Variants in TASP1 observed in about 807,000 individuals in gnomAD.
The protein encoded by TASP1 is threonine aspartase 1.
In TASP1, 16 loss-of-function variants were observed where a neutral mutation model predicts 56.6. The ratio of observed to expected loss-of-function variants is 0.28; its 90% CI spans 0.19 to 0.43. The LOEUF is 0.43. TASP1 is among the 20% of genes least tolerant of loss of function. TASP1 has a pLI of 1.00. For synonymous variants in TASP1, 179 were observed against 184.2 expected, an observed-to-expected ratio of 0.97 and a Z score of 0.23; for missense variants, 393 against 511.6, an observed-to-expected ratio of 0.77 and a Z score of 2.24.
chr20:13,297,437 C>T, the TASP1 span, among the ~76,000 whole-genome samples: 1 of 152,180 alleles, frequency 6.6e-6, no homozygotes, highest in Admixed American at 6.5e-5. Context: ...CCTCTGTTTC[C>T]TGAAATCACT....
intron 10 of TASP1, among the ~76,000 whole-genome samples, chr20:13,484,733 C>CAAAAAAAA (rs34720600): frequency 1.2e-5 from 1 of 81,156 alleles, no homozygotes; most frequent in Non-Finnish European, 2.5e-5. Context: ...CAAGATTTCT[C>CAAAAAAAA]AAAAAAAAAA....
At chr20:13,372,390 G>A in the TASP1 span, among the ~76,000 whole-genome samples, 12 of 152,140 alleles carry the variant, frequency 7.9e-5, no homozygotes, top group East Asian at 2.1e-3. Flanking sequence ...GACTATAACC[G>A]TATCCTGGGC....
chr20:13,335,741 A>C, the TASP1 span, among the ~76,000 whole-genome samples: 1 of 152,126 alleles, frequency 6.6e-6, no homozygotes, highest in South Asian at 2.1e-4. Context: ...AATACTTTTA[A>C]ATGTAATAGA....
the TASP1 span, among the ~76,000 whole-genome samples, chr20:13,208,276 A>G: frequency 1.3e-5 from 2 of 152,220 alleles, no homozygotes; most frequent in African/African-American, 4.8e-5. Context: ...GATTTTAGAA[A>G]ACACACAGTA....
chr20:13,454,267 C>G (rs147142381), intron 11 of TASP1, among the ~76,000 whole-genome samples: 1 of 152,042 alleles, frequency 6.6e-6, no homozygotes, highest in Non-Finnish European at 1.5e-5. Flanking sequence ...AAACTTGCTG[C>G]TCTGTGGAGA....
intron 13 of TASP1, among the ~76,000 whole-genome samples, chr20:13,406,170 T>A (rs2041912996): frequency 6.6e-6 from 1 of 152,204 alleles, no homozygotes; most frequent in Admixed American, 6.5e-5. Flanking sequence ...TCCTTTAAAT[T>A]CCCACACAAA....
the TASP1 span, among the ~76,000 whole-genome samples, chr20:13,345,150 C>T: frequency 6.6e-6 from 1 of 152,172 alleles, no homozygotes; most frequent in Non-Finnish European, 1.5e-5. Context: ...AGTGTAACCA[C>T]ATTGTAGGTA....
intron 2 of TASP1, among the ~76,000 whole-genome samples, chr20:13,627,301 G>A (rs974288920): frequency 1.3e-5 from 2 of 152,134 alleles, no homozygotes; most frequent in Non-Finnish European, 2.9e-5. Flanking sequence ...CAAGATACAC[G>A]CTTTTGCATA....
chr20:13,153,816 T>C, the TASP1 span, among the ~76,000 whole-genome samples: 8,609 of 152,186 alleles, frequency 0.057, 284 homozygotes, highest in African/African-American at 0.087. Context: ...GCCTTCCAGG[T>C]GCAAGGTAGT....
the TASP1 span, among the ~76,000 whole-genome samples, chr20:13,107,341 A>G: frequency 6.6e-6 from 1 of 152,232 alleles, no homozygotes; most frequent in Non-Finnish European, 1.5e-5. Context: ...GGGTTAAAAG[A>G]GGAAATAGTG....
chr20:13,507,496 CTCCA>C (rs1348407890), intron 10 of TASP1, among the ~76,000 whole-genome samples: 1 of 152,020 alleles, frequency 6.6e-6, no homozygotes, highest in Non-Finnish European at 1.5e-5. Context: ...TGCAACTGTA[CTCCA>C]GCCTGGGTGA....
At chr20:13,117,783 G>T in the TASP1 span, 1 of 1,450,824 alleles carries the variant, frequency 6.9e-7, no homozygotes, top group Non-Finnish European at 9.4e-7. Context: ...GATGCCGTGT[G>T]TAGGGCTTCT....
chr20:13,596,267 C>T (rs1425826295), intron 4 of TASP1, among the ~76,000 whole-genome samples: 14 of 151,660 alleles, frequency 9.2e-5, no homozygotes, highest in Admixed American at 7.2e-4. Flanking sequence ...CCCACATACT[C>T]GGGGGGCTGA....
intron 11 of TASP1, among the ~76,000 whole-genome samples, chr20:13,441,290 T>C (rs1283524073): frequency 6.6e-6 from 1 of 152,182 alleles, no homozygotes; most frequent in Non-Finnish European, 1.5e-5. Context: ...CCAGGACTCT[T>C]CCAGGCATTG....
Position 13,417,438 on chromosome 20 carries a change from T to TC in TASP1, c.1170+9dup, listed in dbSNP as rs2042293909. 3 of 1,613,970 alleles carry TC rather than the reference T, an allele frequency of 1.9e-6. No homozygotes were observed. Among genetic ancestry groups the TC allele is most frequent in the African/African-American group, 2.7e-5 (2 of 74,954 alleles). On this transcript the variant is annotated intron_variant, in intron 13 of 13. Coordinates refer to ENST00000337743, the MANE Select transcript of TASP1 (RefSeq NM_017714.3). ...AGGTTTTCAGGTTATGACCGTTTTT[T>TC]CCCACTTACCTTGGCTTTCCCATCC...
chr20:13,559,396 G>A (rs891061613), intron 7 of TASP1, among the ~76,000 whole-genome samples: 6 of 152,064 alleles, frequency 3.9e-5, no homozygotes, highest in East Asian at 1.9e-4. Context: ...TCCAACTGTC[G>A]TTTTAAAGGT....
the TASP1 span, chr20:13,168,603 C>T: frequency 9.2e-5 from 14 of 152,272 alleles, no homozygotes; most frequent in Admixed American, 6.5e-4. Context: ...GTTCTTCAAA[C>T]GAACAATATT....
At position 13,455,320 on chromosome 20, in the gene TASP1, G is replaced by A. The variant is rs554786103; in HGVS notation, c.986-20166C>T. Among the ~76,000 whole-genome samples the A allele has an allele frequency of 4.4e-4, 67 of 152,190 alleles. 2 individuals carry two copies. In the South Asian group the frequency reaches 0.014, roughly 32 times the overall value. On this transcript the variant is annotated intron_variant, in intron 11 of 13. Coordinates refer to ENST00000337743, the MANE Select transcript of TASP1 (RefSeq NM_017714.3). ...TCTTCAAAAAATTCATAGAAACTGT[G>A]CATTATGAAACTATGCATGGATTTC...
At chr20:13,398,014 GTCT>G (rs1292305790) in intron 13 of TASP1, among the ~76,000 whole-genome samples, 7 of 152,028 alleles carry the variant, frequency 4.6e-5, no homozygotes, top group African/African-American at 1.7e-4. Flanking sequence ...GTCATTTATG[GTCT>G]TCTGGTTGGT....
Sources: gnomAD v4.1 joint callset for allele counts (sites outside exome capture counted in the v4.1 genomes callset) on GRCh38, gnomAD v4.1.1 for gene constraint, MANE v1.5 for transcripts, NCBI Gene and HGNC (gene_info 2026-07-23, HGNC 2026-07-21) for gene names.